Variants in DMXL1 observed in about 807,000 individuals in gnomAD.
DMXL1 encodes the protein Dmx like 1, also known as dmX-like protein 1.
DMXL1 carries 99 observed loss-of-function variants against 319.2 expected under a neutral mutation model. The ratio of observed to expected loss-of-function variants is 0.31; its 90% CI spans 0.26 to 0.37. The LOEUF is 0.37. DMXL1 is among the 10% of genes least tolerant of loss of function. The pLI is 1.00. For synonymous variants in DMXL1, 1,385 were observed against 1,235.2 expected (o/e 1.12, Z -2.54); for missense variants, 3,745 against 3,595.6 (o/e 1.04, Z -1.06).
rs766779715 is a variant in DMXL1, at chr5:119,118,803, T to C, written c.744-12T>C. ...TTTGTATTTTTGCTTCTAAAATCTT[T>C]TCATTCCTTAGGGCTTCTGTATGTA... On this transcript the variant is annotated splice_polypyrimidine_tract_variant and intron_variant, in intron 7 of 43. Coordinates refer to ENST00000539542, the MANE Select transcript of DMXL1 (RefSeq NM_001290321.3). 4.5e-6 allele frequency: 7 copies of C among 1,570,548 alleles called. No homozygotes were observed. The highest frequency in any genetic ancestry group is 6.0e-6 in the Non-Finnish European group (7 of 1,160,886).
At chr5:119,085,483 A>C (rs1753164476) in intron 1 of DMXL1, among the ~76,000 whole-genome samples, 2 of 152,076 alleles carry the variant, frequency 1.3e-5, no homozygotes, top group African/African-American at 4.8e-5. Flanking sequence ...GGTGTATGCT[A>C]TTCTATACAC....
At chr5:119,213,408 C>G (rs1783142181) in intron 34 of DMXL1, among the ~76,000 whole-genome samples, 1 of 152,220 alleles carries the variant, frequency 6.6e-6, no homozygotes, top group African/African-American at 2.4e-5. Context: ...TACCCAAGAA[C>G]TTGTCTTCAG....
chr5:119,160,678 C>T (rs754084455), intron 19 of DMXL1, among the ~76,000 whole-genome samples: 7 of 151,958 alleles, frequency 4.6e-5, no homozygotes, highest in African/African-American at 7.3e-5. Context: ...TATTTGTTTT[C>T]GAAGTCTAAG....
chr5:119,137,294 G>T (rs1226016688), intron 13 of DMXL1, among the ~76,000 whole-genome samples: 1 of 152,236 alleles, frequency 6.6e-6, no homozygotes, highest in East Asian at 1.9e-4. Flanking sequence ...CCCAATGCCT[G>T]TGCTCGCATT....
chr5:119,098,610 T>G (rs1248520017), intron 2 of DMXL1, among the ~76,000 whole-genome samples: 1 of 152,114 alleles, frequency 6.6e-6, no homozygotes, highest in East Asian at 1.9e-4. Context: ...TATTTGCATA[T>G]GAAAAGTAGA....
chr5:119,173,774 G>GTATATATATATATATATATATATA (rs1306952541), intron 25 of DMXL1, among the ~76,000 whole-genome samples: 2 of 33,652 alleles, frequency 5.9e-5, no homozygotes, highest in Admixed American at 3.5e-4. Flanking sequence ...ATATGTGTGT[G>GTATATATATATATATATATATATA]TGTATATATA....
In DMXL1 at chr5:119,129,880, A is replaced by G. The variant is rs187575707; in HGVS notation, c.1315+457A>G. Among the ~76,000 whole-genome samples the G allele has an allele frequency of 1.9e-3, 282 of 152,334 alleles. 3 individuals carry two copies. Among genetic ancestry groups the G allele is most frequent in the Non-Finnish European group, 3.0e-3 (203 of 68,026 alleles). On this transcript the variant is annotated intron_variant, in intron 10 of 43. Coordinates refer to ENST00000539542, the MANE Select transcript of DMXL1 (RefSeq NM_001290321.3). Reference sequence around the variant, plus strand: ...TCAGTTGGTATAGAGAGAGAGTTAGAGAGAAAGAAAGCATAGCTATTTGTC... The same window carrying G: ...TCAGTTGGTATAGAGAGAGAGTTAGGGAGAAAGAAAGCATAGCTATTTGTC...
chr5:119,113,641 T>C (rs1427422434), intron 5 of DMXL1, among the ~76,000 whole-genome samples: 1 of 152,166 alleles, frequency 6.6e-6, no homozygotes, highest in Non-Finnish European at 1.5e-5. Context: ...AGAGAAGGAT[T>C]TGGAAGTTTA....
At position 119,166,612 on chromosome 5, in the gene DMXL1, A is replaced by G. The variant is rs1471086654; in HGVS notation, c.4971-4A>G. 6 of 1,597,658 alleles carry G rather than the reference A, an allele frequency of 3.8e-6. No individual in the cohort carries two copies. Among genetic ancestry groups the G allele is most frequent in the Non-Finnish European group, 4.3e-6 (5 of 1,175,582 alleles). ...ATTTTCACACCATTTTTTTTCCTTTATAGAGCTGAAAAAAACACCAGGATG... is the reference window on the plus strand; with the variant it reads ...ATTTTCACACCATTTTTTTTCCTTTGTAGAGCTGAAAAAAACACCAGGATG... On this transcript the variant is annotated splice_region_variant and splice_polypyrimidine_tract_variant and intron_variant, in intron 21 of 43. Coordinates refer to ENST00000539542, the MANE Select transcript of DMXL1 (RefSeq NM_001290321.3).
At chr5:119,097,404 G>A (rs1756211560) in intron 1 of DMXL1, among the ~76,000 whole-genome samples, 1 of 152,166 alleles carries the variant, frequency 6.6e-6, no homozygotes, top group Non-Finnish European at 1.5e-5. Context: ...TTTAGACAAG[G>A]GTGGTAGCAT....
At chr5:119,220,637 G>A (rs369282482) in intron 36 of DMXL1, 44 bp downstream of exon 36, 36 of 1,595,400 alleles carry the variant, frequency 2.3e-5, no homozygotes, top group Non-Finnish European at 2.6e-5. Flanking sequence ...TGCAATATGA[G>A]TGACTATATT....
Position 119,193,971 on chromosome 5 carries a change from G to A in DMXL1, c.7457+1G>A. On this transcript the variant is annotated splice_donor_variant, in intron 30 of 43. Transcript: ENST00000539542. LOFTEE classifies it high-confidence loss of function. ...AACATTCTAATTCAAATTCATATAG[G>A]TATGGTATATTTTATTTTAAATTTC... 6.4e-7 allele frequency: 1 copy of A among 1,552,320 alleles called. No homozygotes were observed. Among genetic ancestry groups the A allele is most frequent in the Non-Finnish European group, 8.7e-7 (1 of 1,146,588 alleles).
At chr5:119,211,280 A>G (rs2150518223) in intron 34 of DMXL1, among the ~76,000 whole-genome samples, 1 of 152,272 alleles carries the variant, frequency 6.6e-6, no homozygotes, top group African/African-American at 2.4e-5. Context: ...GAATGAATTG[A>G]CGAAGGTTCT....
At chr5:119,235,277 C>T (rs1299865347) in intron 39 of DMXL1, among the ~76,000 whole-genome samples, 2 of 152,016 alleles carry the variant, frequency 1.3e-5, no homozygotes, top group African/African-American at 4.8e-5. Context: ...ACTAATTCCT[C>T]AGAGATTCAA....
At chr5:119,226,533 C>T (rs1294892400) in intron 38 of DMXL1, among the ~76,000 whole-genome samples, 2 of 152,082 alleles carry the variant, frequency 1.3e-5, no homozygotes, top group African/African-American at 4.8e-5. Context: ...GTTCTGATAC[C>T]AGATGTGTTG....
At chr5:119,077,479 GTTTTTT>G (rs774672621) in intron 1 of DMXL1, among the ~76,000 whole-genome samples, 3 of 70,174 alleles carry the variant, frequency 4.3e-5, no homozygotes, top group African/African-American at 5.5e-5. Context: ...TTCATCTTAG[GTTTTTT>G]TTTTTTTTTT....
rs752268747 is a variant in DMXL1 at position 119,171,937 on chromosome 5, T to G, written c.6649T>G (p.Ser2217Ala). 358 of 1,613,574 alleles carry G rather than the reference T, an allele frequency of 2.2e-4. 3 individuals carry two copies. The South Asian group carries it at 3.8e-3, about 17-fold the overall frequency. The part of the protein sequence containing the change: ...DILHAIINFD[S>A]PPHPDIQSNK... ...TCTCCATGCCATAATAAACTTTGAT[T>G]CACCACCCCACCCTGATATCCAAAG... is the stretch of plus-strand genomic sequence containing the variant. The change falls in exon 25 of 44, where the codon TCA becomes GCA. Residue 2217 changes from serine to alanine, a missense_variant. By Grantham distance (99) the Ser-to-Ala change is moderately conservative (BLOSUM62 1). This residue lies in a region of DMXL1 where 1,382 missense variants were observed against 1,269.5 expected (regional missense o/e 1.09). Coordinates refer to ENST00000539542, the MANE Select transcript of DMXL1 (RefSeq NM_001290321.3).
intron 1 of DMXL1, among the ~76,000 whole-genome samples, chr5:119,084,880 AAGAT>A (rs1753004295): frequency 6.6e-6 from 1 of 151,870 alleles, no homozygotes; most frequent in African/African-American, 2.4e-5. Context: ...AAAAAAAAAA[AAGAT>A]CCTAAAATTG....
chr5:119,118,265 T>C (rs1321041315), intron 7 of DMXL1, among the ~76,000 whole-genome samples: 1 of 152,220 alleles, frequency 6.6e-6, no homozygotes, highest in Non-Finnish European at 1.5e-5. Context: ...TACTCAGTAG[T>C]TACTGTAGCT....
Sources: gnomAD v4.1 joint callset for allele counts (sites outside exome capture counted in the v4.1 genomes callset) on GRCh38, gnomAD v4.1.1 for gene constraint, gnomAD v4.1.1 regional missense constraint, MANE v1.5 for transcripts, NCBI Gene and HGNC (gene_info 2026-07-23, HGNC 2026-07-21) for gene names.